The following PPP2R5A variants were observed in gnomAD, a reference collection of about 807,000 sequenced individuals.
PPP2R5A encodes the protein protein phosphatase 2 regulatory subunit B'alpha, also known as serine/threonine-protein phosphatase 2A 56 kDa regulatory subunit alpha isoform.
PPP2R5A carries 25 observed loss-of-function variants against 64.2 expected under a neutral mutation model. That is an observed-to-expected ratio of 0.39 (90% CI 0.28 to 0.54). The LOEUF (loss-of-function observed/expected upper bound fraction) is 0.54. PPP2R5A is among the 20% of genes least tolerant of loss of function. The probability of loss-of-function intolerance (pLI) is 0.67; values close to 1 mark genes in which losing one functional copy is unlikely to be tolerated. For missense variants in PPP2R5A, 425 were observed against 576.3 expected (o/e 0.74, Z 2.69); for synonymous variants, 198 against 201.2 (o/e 0.98, Z 0.13).
At chr1:212,358,872 G>C in intron 12 of PPP2R5A, 85 bp downstream of exon 12, 2 of 1,065,964 alleles carry the variant, frequency 1.9e-6, no homozygotes, top group Admixed American at 4.7e-5. Flanking sequence ...TCTTCTCTCA[G>C]TTCAGATTTT....
At chr1:212,297,153 A>C (rs1571574422) in intron 1 of PPP2R5A, among the ~76,000 whole-genome samples, 1 of 104,002 alleles carries the variant, frequency 9.6e-6, no homozygotes, top group Non-Finnish European at 1.8e-5. Context: ...ACGGAGTCTC[A>C]CTCTATCGCC....
At chr1:212,322,391 G>A (rs1659324364) in intron 1 of PPP2R5A, among the ~76,000 whole-genome samples, 2 of 152,058 alleles carry the variant, frequency 1.3e-5, no homozygotes, top group South Asian at 2.1e-4. Context: ...TTTTTCTTAC[G>A]AGAAAATTCA....
intron 1 of PPP2R5A, among the ~76,000 whole-genome samples, chr1:212,319,167 A>AT (rs779852026): frequency 6.6e-6 from 1 of 152,210 alleles, no homozygotes; most frequent in Admixed American, 6.5e-5. Context: ...TCTTGTAATA[A>AT]TTAAATTCAG....
intron 1 of PPP2R5A, among the ~76,000 whole-genome samples, chr1:212,317,057 C>G (rs1016297640): frequency 2.0e-5 from 3 of 152,134 alleles, no homozygotes; most frequent in Non-Finnish European, 4.4e-5. Flanking sequence ...TAATCTTGAA[C>G]TAATCTGAAG....
At chr1:212,346,213 G>A (rs907994708) in intron 5 of PPP2R5A, among the ~76,000 whole-genome samples, 5 of 151,832 alleles carry the variant, frequency 3.3e-5, no homozygotes, top group South Asian at 2.1e-4. Flanking sequence ...CTGTATGTAC[G>A]TAGTATATAT....
At chr1:212,345,197 T>C (rs1203128782) in intron 4 of PPP2R5A, among the ~76,000 whole-genome samples, 4 of 152,056 alleles carry the variant, frequency 2.6e-5, no homozygotes, top group Non-Finnish European at 5.9e-5. Context: ...CCTCATCTTT[T>C]AGTCCAGTGT....
At chr1:212,296,442 C>G (rs922129640) in intron 1 of PPP2R5A, among the ~76,000 whole-genome samples, 6 of 152,152 alleles carry the variant, frequency 3.9e-5, no homozygotes, top group Non-Finnish European at 8.8e-5. Flanking sequence ...ACTGGCCTGC[C>G]AAGACTTTCA....
rs141257334 is a variant in PPP2R5A, at chr1:212,356,517, A to G, written c.928-109A>G. On this transcript the variant is annotated intron_variant, in intron 8 of 12. Coordinates refer to ENST00000261461, the MANE Select transcript of PPP2R5A (RefSeq NM_006243.4). ...TCTATTTATACACATATATTAAGCA[A>G]TATTGATTTACTTCAGAATGAGTGT... The G allele has an allele frequency of 1.3e-5, 13 of 986,974 alleles. No homozygotes were observed. The African/African-American group carries it at 1.8e-4, about 14-fold the overall frequency. The allele number at this position is 986,974 out of a possible 1,614,324, so 61.1% of individuals were successfully genotyped here. A position where few individuals can be genotyped will look rare whatever the true frequency, so the allele number is the denominator to read the frequency against.
chr1:212,320,950 G>A (rs867731808), intron 1 of PPP2R5A, among the ~76,000 whole-genome samples: 9 of 59,506 alleles, frequency 1.5e-4, no homozygotes, highest in Non-Finnish European at 2.5e-4. Flanking sequence ...TGACCCCCCC[G>A]CCTCCCTCCC....
intron 1 of PPP2R5A, among the ~76,000 whole-genome samples, chr1:212,327,900 A>G (rs1423445375): frequency 3.9e-5 from 6 of 152,056 alleles, no homozygotes; most frequent in Admixed American, 3.3e-4. Context: ...CTGCAACCCC[A>G]GCCTCCTGGG....
chr1:212,286,463 A>G (rs542111082), intron 1 of PPP2R5A, among the ~76,000 whole-genome samples, 172 bp downstream of exon 1: 7 of 152,174 alleles, frequency 4.6e-5, no homozygotes, highest in Admixed American at 2.0e-4. Flanking sequence ...TCCTTATTCA[A>G]ACAGGTTTTC....
intron 8 of PPP2R5A, among the ~76,000 whole-genome samples, chr1:212,352,170 C>A (rs942837539): frequency 6.6e-6 from 1 of 151,448 alleles, no homozygotes; most frequent in Non-Finnish European, 1.5e-5. Flanking sequence ...ATAACAGGCG[C>A]CCGATACCAC....
intron 1 of PPP2R5A, chr1:212,299,137 C>T (rs1658752481): frequency 2.7e-5 from 1 of 36,608 alleles, no homozygotes; most frequent in Admixed American, 2.1e-4. Context: ...GCAGAGGAGC[C>T]CCTCACCTCC....
intron 1 of PPP2R5A, among the ~76,000 whole-genome samples, chr1:212,303,189 C>G (rs1033331744): frequency 3.3e-5 from 5 of 152,172 alleles, no homozygotes; most frequent in Middle Eastern, 3.2e-3. Context: ...AGTGGCTGCA[C>G]TATTTTACAC....
intron 1 of PPP2R5A, 34 bp downstream of exon 1, chr1:212,286,325 G>T (rs1386773119): frequency 3.5e-6 from 5 of 1,443,820 alleles, no homozygotes; most frequent in Non-Finnish European, 4.5e-6. Context: ...AGCAGCGAGC[G>T]CAGGGGCTGG....
At chr1:212,289,925 C>A (rs546258184) in intron 1 of PPP2R5A, among the ~76,000 whole-genome samples, 12 of 152,264 alleles carry the variant, frequency 7.9e-5, no homozygotes, top group African/African-American at 2.6e-4. Flanking sequence ...AGGATTAAGT[C>A]AGACTCTTTA....
At chr1:212,314,094 A>G (rs750640112) in intron 1 of PPP2R5A, among the ~76,000 whole-genome samples, 1 of 152,082 alleles carries the variant, frequency 6.6e-6, no homozygotes, top group Non-Finnish European at 1.5e-5. Flanking sequence ...TTTTCGTTAG[A>G]CTTCTCAGAT....
In PPP2R5A at chr1:212,286,149, C is replaced by CGCCATCTCG; in HGVS notation, c.43_51dup (p.Ile15_Ala17dup). On this transcript the variant is annotated inframe_insertion, in exon 1 of 13. Coordinates refer to ENST00000261461, the MANE Select transcript of PPP2R5A (RefSeq NM_006243.4). ...CGCCGCCGGCGGGGGCTGCCAGCGC[C>CGCCATCTCG]GCCATCTCGGCCTCGGAGAAAGTGG... 6.3e-7 allele frequency: 1 copy of CGCCATCTCG among 1,587,662 alleles called. No individual in the cohort carries two copies. Among genetic ancestry groups the CGCCATCTCG allele is most frequent in the Non-Finnish European group, 8.6e-7 (1 of 1,169,138 alleles).
chr1:212,324,058 C>G (rs1418703621), intron 1 of PPP2R5A, among the ~76,000 whole-genome samples: 1 of 148,686 alleles, frequency 6.7e-6, no homozygotes, highest in Non-Finnish European at 1.5e-5. Flanking sequence ...GGCGACAGAA[C>G]AAGACTCCAT....
Sources: gnomAD v4.1 joint callset for allele counts (sites outside exome capture counted in the v4.1 genomes callset) on GRCh38, gnomAD v4.1.1 for gene constraint, MANE v1.5 for transcripts, NCBI Gene and HGNC (gene_info 2026-07-23, HGNC 2026-07-21) for gene names.